Variants in LARGE1 observed in about 807,000 individuals in gnomAD.
LARGE1 encodes LARGE xylosyl- and glucuronyltransferase 1.
A neutral mutation model predicts 87.6 loss-of-function variants in LARGE1; 43 were observed. The ratio of observed to expected loss-of-function variants is 0.49; its 90% confidence interval spans 0.38 to 0.63. LARGE1 has a LOEUF of 0.63. Ranked by LOEUF, LARGE1 falls within the 30% of genes least tolerant of loss-of-function variation. LARGE1 has a pLI of 0.00. For missense variants in LARGE1, 802 were observed against 1,000.2 expected (o/e 0.80, Z 2.67); for synonymous variants, 434 against 394.6 (o/e 1.10, Z -1.18).
rs1013381799 is a variant in LARGE1, at chr22:33,285,539, G to A, written c.1731-2191C>T. Among the ~76,000 whole-genome samples, 86 of 152,218 alleles carry A rather than the reference G, an allele frequency of 5.6e-4. 1 individual carries two copies. Among genetic ancestry groups the A allele is most frequent in the African/African-American group, 1.8e-3 (76 of 41,522 alleles). On this transcript the variant is annotated intron_variant, in intron 12 of 14. Transcript: ENST00000397394. Reference sequence around the variant, plus strand: ...TTCAGGAGGCTGAGGCAGGAGAATCGCTTGAACCTGGGAGGTGGAGGTTGC... The same window carrying A: ...TTCAGGAGGCTGAGGCAGGAGAATCACTTGAACCTGGGAGGTGGAGGTTGC...
the LARGE1 span, among the ~76,000 whole-genome samples, chr22:33,104,905 T>C: frequency 2.0e-4 from 11 of 53,754 alleles, no homozygotes; most frequent in South Asian, 6.7e-4. Context: ...CTTTCTTTCT[T>C]TCTTTCTTTC....
chr22:33,225,921 A>G (rs1022215914), intron 11 of LARGE1, among the ~76,000 whole-genome samples: 1 of 152,206 alleles, frequency 6.6e-6, no homozygotes, highest in Admixed American at 6.5e-5. Flanking sequence ...ATAGTATTCT[A>G]TGGTGTATAT....
At chr22:33,570,770 G>C (rs2078175195) in intron 5 of LARGE1, among the ~76,000 whole-genome samples, 1 of 152,092 alleles carries the variant, frequency 6.6e-6, no homozygotes, top group Non-Finnish European at 1.5e-5. Context: ...AAGTGCGTGG[G>C]AGTGATTAGC....
chr22:33,129,976 A>C, the LARGE1 span, among the ~76,000 whole-genome samples: 78 of 152,286 alleles, frequency 5.1e-4, no homozygotes, highest in Middle Eastern at 3.4e-3. Flanking sequence ...TTAAGTTAAA[A>C]GCGTATGTGA....
chr22:33,343,505 T>C (rs1939396864), intron 9 of LARGE1, among the ~76,000 whole-genome samples: 3 of 152,172 alleles, frequency 2.0e-5, no homozygotes, highest in Admixed American at 6.5e-5. Flanking sequence ...TTCTCTACAT[T>C]GAATGTGATC....
intron 9 of LARGE1, among the ~76,000 whole-genome samples, chr22:33,346,459 C>T (rs1203549341): frequency 1.3e-5 from 2 of 152,082 alleles, no homozygotes; most frequent in African/African-American, 2.4e-5. Flanking sequence ...TGCGCCGCCA[C>T]GCCTGGCTAT....
chr22:33,843,151 C>T (rs900414196), intron 1 of LARGE1, among the ~76,000 whole-genome samples: 1 of 152,134 alleles, frequency 6.6e-6, no homozygotes, highest in Non-Finnish European at 1.5e-5. Flanking sequence ...TCTATCTTCC[C>T]TGCTTGTGAA....
chr22:33,551,742 G>C (rs553840530), intron 6 of LARGE1, among the ~76,000 whole-genome samples: 1 of 151,972 alleles, frequency 6.6e-6, no homozygotes, highest in African/African-American at 2.4e-5. Context: ...TCCCCTCTAC[G>C]CATCCACAAT....
At chr22:33,383,901 G>T (rs1255723356) in intron 8 of LARGE1, among the ~76,000 whole-genome samples, 2 of 152,194 alleles carry the variant, frequency 1.3e-5, no homozygotes, top group Admixed American at 6.5e-5. Flanking sequence ...AGCTCTATGA[G>T]GGCAAGTGCT....
At chr22:33,887,917 G>A (rs1373160308) in intron 1 of LARGE1, among the ~76,000 whole-genome samples, 1 of 152,180 alleles carries the variant, frequency 6.6e-6, no homozygotes, top group Non-Finnish European at 1.5e-5. Context: ...CGTCACATAC[G>A]TTTGTTTCTA....
At chr22:33,796,183 G>T (rs1437082379) in intron 1 of LARGE1, among the ~76,000 whole-genome samples, 1 of 152,040 alleles carries the variant, frequency 6.6e-6, no homozygotes, top group Non-Finnish European at 1.5e-5. Flanking sequence ...CCTAATCAAG[G>T]CATAATAATT....
At chr22:33,417,048 A>C (rs111927266) in intron 7 of LARGE1, among the ~76,000 whole-genome samples, 75 of 151,786 alleles carry the variant, frequency 4.9e-4, no homozygotes, top group African/African-American at 1.7e-3. Context: ...CTGGGACTAC[A>C]GGCGTGTGTC....
rs66724544 is a variant in LARGE1, at chr22:33,392,151, CTT to C, written c.893-7849_893-7848del. On this transcript the variant is annotated intron_variant, in intron 7 of 14. Transcript: ENST00000397394. ...TGAATTCTGGGAACACACGCTTCTT[CTT>C]TTTTTTTTTTTTTGTAGCTATCCCA... is the stretch of plus-strand genomic sequence containing the variant. 1.7e-3 allele frequency among the ~76,000 whole-genome samples: 244 copies of C among 140,646 alleles called. 3 individuals carry two copies. Among genetic ancestry groups the C allele is most frequent in the African/African-American group, 5.2e-3 (201 of 38,392 alleles). 92.3% of individuals were successfully genotyped at this position (140,646 alleles called of 152,430 possible). A position where few individuals can be genotyped will look rare whatever the true frequency, so the allele number is the denominator to read the frequency against.
chr22:33,651,553 C>T (rs1267376640), intron 2 of LARGE1, among the ~76,000 whole-genome samples: 2 of 152,112 alleles, frequency 1.3e-5, no homozygotes, highest in African/African-American at 2.4e-5. Context: ...TCCACATATT[C>T]CGAAATAATT....
At chr22:33,894,418 C>CTAG (rs772769411) in intron 1 of LARGE1, among the ~76,000 whole-genome samples, 5 of 152,134 alleles carry the variant, frequency 3.3e-5, no homozygotes, top group Admixed American at 6.5e-5. Context: ...ACTAGGGTGG[C>CTAG]TACCCCAGTT....
At chr22:33,155,598 G>A in the LARGE1 span, among the ~76,000 whole-genome samples, 168 of 152,226 alleles carry the variant, frequency 1.1e-3, no homozygotes, top group Admixed American at 2.3e-3. Context: ...AAGGCATTCC[G>A]TTTTAAAAGG....
intron 5 of LARGE1, among the ~76,000 whole-genome samples, chr22:33,570,968 T>C (rs891762370): frequency 2.0e-5 from 3 of 152,092 alleles, no homozygotes; most frequent in African/African-American, 7.2e-5. Flanking sequence ...GAGCACCCCA[T>C]AGAGAAGTCA....
At chr22:33,615,249 G>T (rs1406043976) in intron 4 of LARGE1, among the ~76,000 whole-genome samples, 2 of 151,954 alleles carry the variant, frequency 1.3e-5, no homozygotes, top group African/African-American at 4.8e-5. Context: ...ATTGTTTAAG[G>T]AAAGAATGAA....
chr22:33,892,599 A>C (rs1464021557), intron 1 of LARGE1, among the ~76,000 whole-genome samples: 1 of 152,220 alleles, frequency 6.6e-6, no homozygotes, highest in African/African-American at 2.4e-5. Context: ...ATACAAAATG[A>C]TCATCTGGCT....
Sources: allele counts gnomAD v4.1 joint callset (sites outside exome capture counted in the v4.1 genomes callset), GRCh38; gene constraint gnomAD v4.1.1; transcripts MANE v1.5; gene names NCBI Gene and HGNC (gene_info 2026-07-23, HGNC 2026-07-21).